The following NUP98 variants were observed in gnomAD, a reference collection of about 807,000 sequenced individuals.
NUP98 encodes the protein nuclear pore complex protein Nup98-Nup96.
Under a neutral mutation model 191.9 loss-of-function variants are expected in NUP98, and 26 were observed. The observed-to-expected ratio is 0.14, with a 90% CI of 0.10 to 0.19. The LOEUF (loss-of-function observed/expected upper bound fraction) is 0.19, where lower values mean the gene tolerates loss of function less well. Among genes scored for constraint, NUP98 ranks in the 10% least tolerant of loss-of-function variants. The pLI, the probability that NUP98 is intolerant of heterozygous loss-of-function variation, is 1.00. For synonymous variants in NUP98, 808 were observed against 778.4 expected (o/e 1.04, Z -0.63); for missense variants, 1,941 against 2,178.8 (o/e 0.89, Z 2.17).
chr11:3,767,420 C>A (rs1480793873), intron 8 of NUP98, among the ~76,000 whole-genome samples: 1 of 151,776 alleles, frequency 6.6e-6, no homozygotes, highest in East Asian at 1.9e-4. Context: ...CTCTGCCTCC[C>A]CCTGGGTTCA....
chr11:3,743,962 G>A lies in NUP98; in HGVS notation c.1408+547C>T, dbSNP rs533840396. Among the ~76,000 whole-genome samples the A allele has an allele frequency of 1.8e-3, 269 of 152,224 alleles. 1 individual carries two copies. The highest frequency in any genetic ancestry group is 6.2e-3 in the African/African-American group (258 of 41,532). ...TAATCCCAGCTACTCAGGAAGCTGA[G>A]GCAGAAGAATCACTTGAACCCAGGA... On this transcript the variant is annotated intron_variant, in intron 12 of 32. Transcript: ENST00000324932.
chr11:3,776,288 ATTT>A (rs1023162185), intron 4 of NUP98, among the ~76,000 whole-genome samples: 2 of 148,942 alleles, frequency 1.3e-5, no homozygotes, highest in African/African-American at 2.5e-5. Flanking sequence ...CACCCAGCTA[ATTT>A]TTTTTTTAAT....
chr11:3,738,535 T>C (rs1055341878), intron 12 of NUP98, among the ~76,000 whole-genome samples: 5 of 151,978 alleles, frequency 3.3e-5, no homozygotes, highest in African/African-American at 1.2e-4. Flanking sequence ...TCCCAGCACT[T>C]TGGGAAGCTG....
At position 3,729,774 on chromosome 11, in the gene NUP98, A is replaced by G. The variant is rs545640933; in HGVS notation, c.1730+1617T>C. Among the ~76,000 whole-genome samples, 9 of 148,588 alleles carry G rather than the reference A, an allele frequency of 6.1e-5. No individual in the cohort carries two copies. The Middle Eastern group carries it at 0.01, about 168-fold the overall frequency. On this transcript the variant is annotated intron_variant, in intron 14 of 32. Transcript: ENST00000324932. ...GTTTGACAGCAACACCACAGAAGTG[A>G]GGCCAAGGAGGTCAGATGGTATTAA...
chr11:3,783,043 C>T (rs2082027895), intron 1 of NUP98, among the ~76,000 whole-genome samples: 1 of 152,162 alleles, frequency 6.6e-6, no homozygotes, highest in Non-Finnish European at 1.5e-5. Context: ...TCTCTATGGT[C>T]CCCTACTTAT....
At chr11:3,771,082 T>A (rs1251602668) in intron 7 of NUP98, among the ~76,000 whole-genome samples, 2 of 152,148 alleles carry the variant, frequency 1.3e-5, no homozygotes, top group Admixed American at 6.6e-5. Flanking sequence ...AGGCTAGTCT[T>A]GAACTCCTGA....
At chr11:3,725,057 A>C in intron 15 of NUP98, 46 bp downstream of exon 15, 2 of 819,856 alleles carry the variant, frequency 2.4e-6, no homozygotes, top group Non-Finnish European at 4.1e-6. Context: ...TAAAAATGAG[A>C]CTATAACTCT....
intron 13 of NUP98, among the ~76,000 whole-genome samples, chr11:3,734,677 G>A (rs763346496): frequency 3.9e-5 from 6 of 152,212 alleles, no homozygotes; most frequent in African/African-American, 9.6e-5. Flanking sequence ...ACAAAGCTAT[G>A]TAAAAATCAA....
chr11:3,697,784 C>G (rs1466996862), intron 25 of NUP98, among the ~76,000 whole-genome samples: 1 of 140,662 alleles, frequency 7.1e-6, no homozygotes, highest in Non-Finnish European at 1.5e-5. Context: ...CCACTGCACT[C>G]CAGCAGTCTG....
rs543724114 is a variant in NUP98 at position 3,740,220 on chromosome 11, G to C, written c.1408+4289C>G. Among the ~76,000 whole-genome samples, 40 of 152,060 alleles carry C rather than the reference G, an allele frequency of 2.6e-4. No homozygotes were observed. The South Asian group carries it at 8.3e-3, about 32-fold the overall frequency. On this transcript the variant is annotated intron_variant, in intron 12 of 32. Transcript: ENST00000324932. ...AAACAGGAAGAGGAAAGAATTAATG[G>C]AAAGTCTAAGCCAGGCGCGGTGGCT...
intron 26 of NUP98, among the ~76,000 whole-genome samples, chr11:3,694,730 ACT>A (rs1206074283): frequency 1.3e-5 from 2 of 148,664 alleles, no homozygotes; most frequent in South Asian, 2.1e-4. Context: ...ACAGAGCGAG[ACT>A]CTGTCTCAAG....
intron 11 of NUP98, among the ~76,000 whole-genome samples, chr11:3,752,518 A>AAAATAAATAAATAAAT (rs3061901): frequency 1.5e-3 from 215 of 147,554 alleles, no homozygotes; most frequent in African/African-American, 5.1e-3. Flanking sequence ...CTCCATCTCC[A>AAAATAAATAAATAAAT]AAATAAATAA....
intron 1 of NUP98, among the ~76,000 whole-genome samples, chr11:3,789,591 C>A (rs1185562308): frequency 6.8e-6 from 1 of 147,460 alleles, no homozygotes; most frequent in Non-Finnish European, 1.5e-5. Context: ...TCATGGCTCA[C>A]TGCAGCCTGG....
chr11:3,797,006 AG>A (rs1466957428), intron 1 of NUP98, among the ~76,000 whole-genome samples: 3 of 152,238 alleles, frequency 2.0e-5, no homozygotes, highest in Non-Finnish European at 4.4e-5. Context: ...AGGCAAATAA[AG>A]CCCAGTCCCA....
At chr11:3,720,975 A>AGTGTGTGTGT (rs55984201) in intron 16 of NUP98, 150 bp from the exon 17 acceptor site, 24,414 of 323,996 alleles carry the variant, frequency 0.075, 985 homozygotes, top group African/African-American at 0.12. Context: ...GGGGTGTGTG[A>AGTGTGTGTGT]GTGTGTGTGT....
intron 22 of NUP98, among the ~76,000 whole-genome samples, chr11:3,704,595 A>C (rs1345704074): frequency 6.6e-6 from 1 of 152,242 alleles, no homozygotes; most frequent in African/African-American, 2.4e-5. Flanking sequence ...GTCAGAGCTT[A>C]CTATCTAATC....
Position 3,778,820 on chromosome 11 carries a change from T to C in NUP98, c.355+53A>G, listed in dbSNP as rs1390773261. 19 of 1,550,368 alleles carry C rather than the reference T, an allele frequency of 1.2e-5. No individual in the cohort carries two copies. In the East Asian group the frequency reaches 4.3e-4, roughly 35 times the overall value. Reference sequence around the variant, plus strand: ...GAAAAACGGAGAAAAGACAACACATTCAATAAGCAAACCAAATTATTAGAT... The same window carrying C: ...GAAAAACGGAGAAAAGACAACACATCCAATAAGCAAACCAAATTATTAGAT... On this transcript the variant is annotated intron_variant, in intron 4 of 32. Transcript: ENST00000324932.
chr11:3,779,361 G>A, intron 2 of NUP98, 104 bp from the exon 3 acceptor site: 1 of 1,004,616 alleles, frequency 1.0e-6, no homozygotes, highest in Admixed American at 1.8e-5. Flanking sequence ...TGCATTTGAG[G>A]CTGTGCATGG....
intron 10 of NUP98, among the ~76,000 whole-genome samples, chr11:3,753,876 T>C (rs1026245726): frequency 6.8e-6 from 1 of 146,048 alleles, no homozygotes; most frequent in African/African-American, 2.5e-5. Flanking sequence ...GAGGCAAAGG[T>C]TGCAGTGAGC....
Sources: allele counts gnomAD v4.1 joint callset (sites outside exome capture counted in the v4.1 genomes callset), GRCh38; gene constraint gnomAD v4.1.1; transcripts MANE v1.5; gene names NCBI Gene and HGNC (gene_info 2026-07-23, HGNC 2026-07-21).